The following MTUS1 variants were observed in gnomAD, a reference collection of about 807,000 sequenced individuals.
MTUS1 encodes microtubule associated scaffold protein 1.
A neutral mutation model predicts 120.8 loss-of-function variants in MTUS1; 109 were observed. That is an observed-to-expected ratio of 0.90 (90% CI 0.77 to 1.06). The LOEUF (loss-of-function observed/expected upper bound fraction) is 1.06, where lower values mean the gene tolerates loss of function less well. Among genes scored for constraint, MTUS1 ranks in the 50% least tolerant of loss-of-function variants. The pLI is 0.00. For synonymous variants in MTUS1, 737 were observed against 550.5 expected (o/e 1.34, Z -4.74); for missense variants, 2,210 against 1,486.3 (o/e 1.49, Z -8.01).
At chr8:17,657,959 A>ATATATAC (rs2130328180) in intron 8 of MTUS1, among the ~76,000 whole-genome samples, 1 of 151,674 alleles carries the variant, frequency 6.6e-6, no homozygotes, top group South Asian at 2.1e-4. Context: ...ATATGTATGC[A>ATATATAC]TATATACATG....
chr8:17,764,252 C>T (rs1416484930), intron 1 of MTUS1, among the ~76,000 whole-genome samples: 1 of 152,080 alleles, frequency 6.6e-6, no homozygotes, highest in Non-Finnish European at 1.5e-5. Flanking sequence ...ATCTACAAAT[C>T]CTTGGGGATA....
intron 3 of MTUS1, among the ~76,000 whole-genome samples, chr8:17,725,256 C>T (rs1367444691): frequency 1.3e-5 from 2 of 152,146 alleles, no homozygotes; most frequent in Non-Finnish European, 2.9e-5. Context: ...TCAAATAATG[C>T]TGCTGGAAAG....
intron 1 of MTUS1, among the ~76,000 whole-genome samples, chr8:17,796,003 G>A (rs2052196494): frequency 6.6e-6 from 1 of 151,606 alleles, no homozygotes. Flanking sequence ...AGGCTGGAGG[G>A]CAGTGGAGCG....
At chr8:17,717,510 G>C (rs1257773465) in intron 4 of MTUS1, among the ~76,000 whole-genome samples, 1 of 152,114 alleles carries the variant, frequency 6.6e-6, no homozygotes, top group Non-Finnish European at 1.5e-5. Flanking sequence ...TACTTTTCTT[G>C]AAGCCGTATT....
At chr8:17,699,505 C>T (rs572380724) in intron 6 of MTUS1, among the ~76,000 whole-genome samples, 4 of 152,274 alleles carry the variant, frequency 2.6e-5, no homozygotes, top group African/African-American at 4.8e-5. Context: ...TGAGCCACCA[C>T]GCCCAGCCTT....
chr8:17,746,814 T>G (rs1384902013), intron 2 of MTUS1, among the ~76,000 whole-genome samples: 6 of 152,214 alleles, frequency 3.9e-5, no homozygotes, highest in Non-Finnish European at 5.9e-5. Flanking sequence ...TCCTGTGAAG[T>G]TGGTAGGTTT....
chr8:17,659,087 G>T (rs1325254075), intron 8 of MTUS1, among the ~76,000 whole-genome samples: 1 of 152,202 alleles, frequency 6.6e-6, no homozygotes, highest in African/African-American at 2.4e-5. Flanking sequence ...AACCGCCACA[G>T]AGAGGCTAAA....
At chr8:17,756,474 A>G (rs1184696926) in intron 1 of MTUS1, among the ~76,000 whole-genome samples, 1 of 152,170 alleles carries the variant, frequency 6.6e-6, no homozygotes, top group African/African-American at 2.4e-5. Flanking sequence ...GCTGAAGATC[A>G]ATCAAGAACT....
intron 1 of MTUS1, among the ~76,000 whole-genome samples, chr8:17,784,295 G>GTTTT (rs34896566): frequency 8.8e-5 from 11 of 125,410 alleles, no homozygotes; most frequent in East Asian, 2.4e-4. Flanking sequence ...TCTTACAACT[G>GTTTT]TTTTTTTTTT....
intron 3 of MTUS1, among the ~76,000 whole-genome samples, chr8:17,731,518 G>A (rs1158505017): frequency 1.3e-5 from 2 of 152,028 alleles, no homozygotes; most frequent in African/African-American, 4.8e-5. Flanking sequence ...ACAACGCAAA[G>A]GGCTTAAGAT....
At chr8:17,677,785 A>C (rs1813422583) in intron 7 of MTUS1, among the ~76,000 whole-genome samples, 1 of 152,216 alleles carries the variant, frequency 6.6e-6, no homozygotes. Context: ...GTTGTGCAAA[A>C]GTCAGTTGGT....
intron 6 of MTUS1, among the ~76,000 whole-genome samples, chr8:17,707,023 C>T (rs538056431): frequency 5.9e-5 from 9 of 152,124 alleles, no homozygotes; most frequent in Non-Finnish European, 1.3e-4. Context: ...TAATCTCCAC[C>T]ACTACTTACA....
intron 2 of MTUS1, among the ~76,000 whole-genome samples, chr8:17,745,449 G>T (rs1262748817): frequency 6.6e-6 from 1 of 152,188 alleles, no homozygotes; most frequent in African/African-American, 2.4e-5. Context: ...TTGAAACACT[G>T]CAGATTTTTT....
intron 6 of MTUS1, among the ~76,000 whole-genome samples, chr8:17,695,188 T>C (rs777686628): frequency 4.6e-5 from 7 of 152,196 alleles, no homozygotes; most frequent in South Asian, 4.1e-4. Flanking sequence ...AAGACTGATA[T>C]TGGGAGTAAG....
At chr8:17,781,654 C>T (rs1044248911) in intron 1 of MTUS1, among the ~76,000 whole-genome samples, 1 of 152,184 alleles carries the variant, frequency 6.6e-6, no homozygotes, top group African/African-American at 2.4e-5. Context: ...TCCCCCTACA[C>T]ACGCCAAGAA....
chr8:17,719,900 G>A (rs1233196357), intron 4 of MTUS1, among the ~76,000 whole-genome samples: 6 of 152,204 alleles, frequency 3.9e-5, no homozygotes, highest in Non-Finnish European at 8.8e-5. Flanking sequence ...ATGAGGCCCT[G>A]TCTTATTGCA....
chr8:17,728,821 A>T (rs79995812), intron 3 of MTUS1, among the ~76,000 whole-genome samples: 1 of 152,270 alleles, frequency 6.6e-6, no homozygotes, highest in African/African-American at 2.4e-5. Flanking sequence ...TAGCATTTAC[A>T]TCAGAACTTG....
chr8:17,679,561 G>C (rs1813892636), intron 7 of MTUS1, among the ~76,000 whole-genome samples: 1 of 151,674 alleles, frequency 6.6e-6, no homozygotes, highest in African/African-American at 2.4e-5. Context: ...GAGTGCGGTG[G>C]TGCGATCTTG....
intron 6 of MTUS1, among the ~76,000 whole-genome samples, chr8:17,702,470 G>A (rs1242754873): frequency 6.6e-6 from 1 of 151,952 alleles, no homozygotes; most frequent in African/African-American, 2.4e-5. Flanking sequence ...GTTAACTGTA[G>A]GCACAATGCT....
Sources: allele counts gnomAD v4.1 joint callset (sites outside exome capture counted in the v4.1 genomes callset), GRCh38; gene constraint gnomAD v4.1.1; transcripts MANE v1.5; gene names NCBI Gene and HGNC (gene_info 2026-07-23, HGNC 2026-07-21).